Variants in KIAA1549L observed in about 807,000 individuals in gnomAD.
The protein encoded by KIAA1549L is KIAA1549 like.
In KIAA1549L, 88 loss-of-function variants were observed where a neutral mutation model predicts 160.7. That is an observed-to-expected ratio of 0.55 (90% CI 0.46 to 0.65). The LOEUF (loss-of-function observed/expected upper bound fraction) is 0.65, where lower values mean the gene tolerates loss of function less well. Among genes scored for constraint, KIAA1549L ranks in the 30% least tolerant of loss-of-function variants. KIAA1549L has a pLI of 0.00. For synonymous variants in KIAA1549L, 950 were observed against 976.7 expected (o/e 0.97, Z 0.51); for missense variants, 2,258 against 2,437.5 (o/e 0.93, Z 1.55).
intron 1 of KIAA1549L, among the ~76,000 whole-genome samples, chr11:33,439,845 C>G (rs1359438065): frequency 6.6e-6 from 1 of 151,930 alleles, no homozygotes; most frequent in East Asian, 1.9e-4. Flanking sequence ...CCGGGTATGT[C>G]TTTCCTCATC....
chr11:33,442,652 TTTTA>T (rs1851533894), intron 1 of KIAA1549L, among the ~76,000 whole-genome samples: 1 of 152,246 alleles, frequency 6.6e-6, no homozygotes, highest in Admixed American at 6.5e-5. Context: ...TAGATACTGA[TTTTA>T]TTTATTCTGC....
intron 1 of KIAA1549L, among the ~76,000 whole-genome samples, chr11:33,395,316 T>C (rs1850351247): frequency 6.6e-6 from 1 of 152,190 alleles, no homozygotes; most frequent in African/African-American, 2.4e-5. Flanking sequence ...CACTTAATGT[T>C]CATAACGCGC....
At chr11:33,410,716 A>G (rs979235124) in intron 1 of KIAA1549L, among the ~76,000 whole-genome samples, 1 of 152,184 alleles carries the variant, frequency 6.6e-6, no homozygotes, top group African/African-American at 2.4e-5. Context: ...GGTGGGTAGC[A>G]TTTGACTTTG....
intron 6 of KIAA1549L, among the ~76,000 whole-genome samples, chr11:33,554,765 A>G (rs151251553): frequency 1.8e-3 from 273 of 152,330 alleles, no homozygotes; most frequent in Middle Eastern, 0.01. Context: ...CATCCAGAAC[A>G]CATGAGCAAA....
At chr11:33,432,555 G>A (rs1851271540) in intron 1 of KIAA1549L, among the ~76,000 whole-genome samples, 1 of 152,092 alleles carries the variant, frequency 6.6e-6, no homozygotes, top group Non-Finnish European at 1.5e-5. Context: ...AGATTCTGAA[G>A]GGAAATAAAC....
chr11:33,403,226 CAGACACAAACACACAT>C (rs1850540133), intron 1 of KIAA1549L: 1 of 64,842 alleles, frequency 1.5e-5, no homozygotes, highest in Non-Finnish European at 3.1e-5. Context: ...CATGCAGACA[CAGACACAAACACACAT>C]ATGCAGACAC....
At position 33,671,413 on chromosome 11, in the gene KIAA1549L, C is replaced by A. The variant is rs527858527; in HGVS notation, c.*3259C>A. ...GTGCATAATAAGATGGCAGCTGTTA[C>A]CTACAGAGCAAGGAGTTTCCTCTTT... On this transcript the variant is annotated 3_prime_UTR_variant, in exon 21 of 21. Coordinates refer to ENST00000658780, the MANE Select transcript of KIAA1549L (RefSeq NM_012194.3). 1 of 152,296 alleles carries A rather than the reference C, an allele frequency of 6.6e-6. No homozygotes were observed. Among genetic ancestry groups the A allele is most frequent in the East Asian group, 1.9e-4 (1 of 5,176 alleles). The allele number at this position is 152,296 out of a possible 1,614,324, so 9.4% of individuals were successfully genotyped here. A position where few individuals can be genotyped will look rare whatever the true frequency, so the allele number is the denominator to read the frequency against.
At position 33,568,181 on chromosome 11, in the gene KIAA1549L, G is replaced by T; in HGVS notation, c.4184G>T (p.Gly1395Val). The T allele has an allele frequency of 6.2e-7, 1 of 1,613,706 alleles. No individual in the cohort carries two copies. Reference sequence around the variant, plus strand: ...CTATTCATGATGTCCCAGCAACAAGGCCGGCGGTTTAAACGGGCCACCACC... The same window carrying T: ...CTATTCATGATGTCCCAGCAACAAGTCCGGCGGTTTAAACGGGCCACCACC... ...AQLFMMSQQQ[G>V]RRFKRATTLG... The change falls in exon 9 of 21, where the codon GGC becomes GTC. Residue 1395 changes from glycine to valine, a missense_variant. Gly to Val is a moderately radical substitution (Grantham distance 109, BLOSUM62 -3). This residue lies in a region of KIAA1549L where 1,359 missense variants were observed against 1,546.6 expected (regional missense o/e 0.88). Coordinates refer to ENST00000658780, the MANE Select transcript of KIAA1549L (RefSeq NM_012194.3).
chr11:33,469,511 C>A (rs994571333), intron 1 of KIAA1549L, among the ~76,000 whole-genome samples: 5 of 152,164 alleles, frequency 3.3e-5, no homozygotes, highest in African/African-American at 2.4e-5. Context: ...TGTGGACATA[C>A]GTTTTTGGTT....
rs1391576870 is a variant in KIAA1549L at position 33,574,815 on chromosome 11, C to T, written c.4344C>T (p.Thr1448=). 2 of 1,614,030 alleles carry T rather than the reference C, an allele frequency of 1.2e-6. No homozygotes were observed. Among genetic ancestry groups the T allele is most frequent in the Admixed American group, 1.7e-5 (1 of 60,032 alleles). ...CCGCAGCTGCCAAGATCCTGAGCAC[C>T]ATTGATTCCCAAAGGATGGCCTTGA... ...LGTAAAKILS[T]IDSQRMALTL... is the part of the protein sequence containing the mutation. The change falls in exon 10 of 21, where the codon ACC becomes ACT. Residue 1448 remains threonine, a synonymous_variant. Transcript: ENST00000658780.
chr11:33,499,545 G>T (rs1345779168), intron 1 of KIAA1549L, among the ~76,000 whole-genome samples: 5 of 152,178 alleles, frequency 3.3e-5, no homozygotes, highest in Non-Finnish European at 7.3e-5. Flanking sequence ...TTGAGTGGGT[G>T]AATAGAATGG....
intron 1 of KIAA1549L, among the ~76,000 whole-genome samples, chr11:33,498,643 G>T (rs1852874636): frequency 6.6e-6 from 1 of 152,200 alleles, no homozygotes; most frequent in African/African-American, 2.4e-5. Flanking sequence ...CCTGGGATCA[G>T]ATGTCCTAGA....
At chr11:33,419,883 T>TACAC (rs1267991567) in intron 1 of KIAA1549L, among the ~76,000 whole-genome samples, 5 of 104,374 alleles carry the variant, frequency 4.8e-5, no homozygotes, top group Non-Finnish European at 1.1e-4. Context: ...CATACATACA[T>TACAC]ACATACATAC....
chr11:33,446,010 T>G (rs1346858115), intron 1 of KIAA1549L, among the ~76,000 whole-genome samples: 1 of 152,126 alleles, frequency 6.6e-6, no homozygotes, highest in Non-Finnish European at 1.5e-5. Flanking sequence ...TTTCATTGAT[T>G]CACTGTACAT....
At chr11:33,418,573 G>A (rs1202830782) in intron 1 of KIAA1549L, among the ~76,000 whole-genome samples, 2 of 152,152 alleles carry the variant, frequency 1.3e-5, no homozygotes, top group Non-Finnish European at 2.9e-5. Flanking sequence ...ACCTCGCCTC[G>A]TAACAAACAA....
intron 1 of KIAA1549L, among the ~76,000 whole-genome samples, chr11:33,451,973 T>C (rs995079961): frequency 1.3e-5 from 2 of 152,178 alleles, no homozygotes; most frequent in East Asian, 3.8e-4. Flanking sequence ...GTCAAGTAAT[T>C]TAGCCAAGAT....
chr11:33,504,010 C>T (rs1853017507), intron 1 of KIAA1549L, among the ~76,000 whole-genome samples: 1 of 152,180 alleles, frequency 6.6e-6, no homozygotes, highest in Non-Finnish European at 1.5e-5. Context: ...GCCTGTAGTC[C>T]CAGCACTGGG....
chr11:33,543,211 C>T lies in KIAA1549L; in HGVS notation c.1648C>T (p.Leu550Phe), dbSNP rs531447667. The change falls in exon 2 of 21, where the codon CTT (leucine) becomes TTT (phenylalanine). Residue 550 changes from leucine to phenylalanine, a missense_variant. Physicochemically the swap from Leu to Phe is conservative, Grantham distance 22. Coordinates refer to ENST00000658780, the MANE Select transcript of KIAA1549L (RefSeq NM_012194.3). ...DLLLSSKVPNLLSTSWTFPRW... is the reference protein window; with the variant it reads ...DLLLSSKVPNFLSTSWTFPRW... Reference sequence around the variant, plus strand: ...GCTCCTCTCAAGCAAAGTTCCTAATCTTCTTTCCACATCTTGGACATTTCC... The same window carrying T: ...GCTCCTCTCAAGCAAAGTTCCTAATTTTCTTTCCACATCTTGGACATTTCC... 4 of 1,614,042 alleles carry T rather than the reference C, an allele frequency of 2.5e-6. No homozygotes were observed. The highest frequency in any genetic ancestry group is 2.2e-5 in the East Asian group (1 of 44,888).
chr11:33,622,418 G>A (rs915988665), intron 16 of KIAA1549L, among the ~76,000 whole-genome samples: 1 of 152,176 alleles, frequency 6.6e-6, no homozygotes, highest in African/African-American at 2.4e-5. Flanking sequence ...ATGGAGAAGC[G>A]GCCTGCCCTG....
Sources: allele counts gnomAD v4.1 joint callset (sites outside exome capture counted in the v4.1 genomes callset), GRCh38; gene constraint gnomAD v4.1.1; regional missense constraint gnomAD v4.1.1; transcripts MANE v1.5; gene names NCBI Gene and HGNC (gene_info 2026-07-23, HGNC 2026-07-21).